CLNK: variants seen among roughly 807,000 people sequenced by gnomAD.
CLNK encodes the protein cytokine-dependent hematopoietic cell linker.
CLNK carries 74 observed loss-of-function variants against 68.6 expected under a neutral mutation model. The observed-to-expected ratio is 1.08, with a 90% CI of 0.89 to 1.31. The LOEUF is 1.31. Among genes scored for constraint, CLNK ranks in the 50% most tolerant of loss-of-function variants. The pLI, the probability that CLNK is intolerant of heterozygous loss-of-function variation, is 0.00. For synonymous variants in CLNK, 198 were observed against 172.2 expected (o/e 1.15, Z -1.17); for missense variants, 553 against 515.3 (o/e 1.07, Z -0.71).
the CLNK span, among the ~76,000 whole-genome samples, chr4:10,694,726 T>A: frequency 6.6e-6 from 1 of 152,178 alleles, no homozygotes; most frequent in African/African-American, 2.4e-5. Context: ...CATGACTGTA[T>A]TATGTTATGG....
At chr4:10,709,785 G>C in the CLNK span, among the ~76,000 whole-genome samples, 1 of 152,062 alleles carries the variant, frequency 6.6e-6, no homozygotes, top group African/African-American at 2.4e-5. Flanking sequence ...ACACCAACAG[G>C]CTAGACTGCT....
chr4:10,625,286 A>G (rs1307303011), intron 2 of CLNK, among the ~76,000 whole-genome samples: 1 of 152,222 alleles, frequency 6.6e-6, no homozygotes, highest in Non-Finnish European at 1.5e-5. Flanking sequence ...GCCACTCTGC[A>G]GAGGGAGGTG....
chr4:10,688,076 A>G (rs1725333167), upstream of CLNK, among the ~76,000 whole-genome samples: 1 of 152,186 alleles, frequency 6.6e-6, no homozygotes, highest in Admixed American at 6.5e-5. Flanking sequence ...AGTGGCTATT[A>G]GGATAAAATT....
At chr4:10,571,914 C>G (rs769769152) in intron 4 of CLNK, 136 bp from the exon 5 acceptor site, 20 of 664,832 alleles carry the variant, frequency 3.0e-5, no homozygotes, top group Non-Finnish European at 5.0e-5. Flanking sequence ...TTTTTCAAAA[C>G]TAAAGTGCAT....
At chr4:10,645,948 A>G (rs1723494442) in intron 2 of CLNK, among the ~76,000 whole-genome samples, 1 of 152,192 alleles carries the variant, frequency 6.6e-6, no homozygotes, top group African/African-American at 2.4e-5. Flanking sequence ...GTAGATGCCC[A>G]TTATTTATTA....
intron 5 of CLNK, among the ~76,000 whole-genome samples, chr4:10,569,969 C>A (rs1398304163): frequency 6.6e-6 from 1 of 152,036 alleles, no homozygotes; most frequent in African/African-American, 2.4e-5. Context: ...AGCCCAGTAC[C>A]CAGGACAAAG....
chr4:10,617,650 C>G (rs1462832365), intron 2 of CLNK, among the ~76,000 whole-genome samples: 1 of 152,176 alleles, frequency 6.6e-6, no homozygotes, highest in African/African-American at 2.4e-5. Context: ...ATGAGCCAAG[C>G]CAGACTTTTG....
chr4:10,601,879 A>G (rs1211251946), intron 2 of CLNK, among the ~76,000 whole-genome samples: 2 of 152,248 alleles, frequency 1.3e-5, no homozygotes, highest in African/African-American at 4.8e-5. Context: ...GGGAAACAAC[A>G]CAGGCTAATT....
At chr4:10,716,052 A>G in the CLNK span, among the ~76,000 whole-genome samples, 3 of 152,226 alleles carry the variant, frequency 2.0e-5, no homozygotes, top group Non-Finnish European at 4.4e-5. Flanking sequence ...TGAACATGCA[A>G]GATTATTTTT....
At chr4:10,497,143 C>A (rs1716842585) in intron 18 of CLNK, among the ~76,000 whole-genome samples, 2 of 152,110 alleles carry the variant, frequency 1.3e-5, no homozygotes, top group Admixed American at 1.3e-4. Flanking sequence ...TATTTCTGTG[C>A]CTCAGTTTCA....
chr4:10,686,868 T>A (rs1046823585), upstream of CLNK, among the ~76,000 whole-genome samples: 5 of 152,168 alleles, frequency 3.3e-5, no homozygotes, highest in African/African-American at 9.7e-5. Context: ...TTTGGTTTAA[T>A]GAGAAAGCTG....
chr4:10,571,740 C>T lies in CLNK; in HGVS notation c.150+1G>A, dbSNP rs757609019. ...ATAGATAAGGGAAGCAGCTGACTTA[C>T]CCAGTCTAGAAGAGGCTTGTTCATC... On this transcript the variant is annotated splice_donor_variant, in intron 5 of 18. Transcript: ENST00000226951. LOFTEE classifies it high-confidence loss of function. 1.8e-5 allele frequency: 29 copies of T among 1,611,706 alleles called. No homozygotes were observed. The highest frequency in any genetic ancestry group is 2.4e-5 in the Non-Finnish European group (28 of 1,177,992).
chr4:10,593,481 C>G (rs769129781), intron 3 of CLNK, among the ~76,000 whole-genome samples: 2 of 152,024 alleles, frequency 1.3e-5, no homozygotes, highest in Non-Finnish European at 2.9e-5. Context: ...ATGGCGAAAC[C>G]CCATCTCTAC....
At chr4:10,666,064 G>A (rs1055785862) in intron 2 of CLNK, among the ~76,000 whole-genome samples, 2 of 152,206 alleles carry the variant, frequency 1.3e-5, no homozygotes, top group South Asian at 2.1e-4. Context: ...AAGGTCATGT[G>A]AAATGGAGGC....
At chr4:10,710,258 A>T in the CLNK span, among the ~76,000 whole-genome samples, 1 of 152,108 alleles carries the variant, frequency 6.6e-6, no homozygotes, top group Non-Finnish European at 1.5e-5. Context: ...CAGAGGAGTG[A>T]GGCATTAAGA....
the CLNK span, among the ~76,000 whole-genome samples, chr4:10,722,426 C>T: frequency 5.9e-4 from 90 of 152,292 alleles, 1 homozygote; most frequent in Non-Finnish European, 9.8e-4. Flanking sequence ...ATTTTCTCTG[C>T]GTGTGTTCCT....
intron 2 of CLNK, among the ~76,000 whole-genome samples, chr4:10,654,636 T>A (rs571168841): frequency 1.3e-5 from 2 of 151,528 alleles, no homozygotes; most frequent in South Asian, 4.2e-4. Flanking sequence ...ATAGATGATA[T>A]AATTATCTAT....
At chr4:10,596,652 G>T (rs1399936940) in intron 3 of CLNK, among the ~76,000 whole-genome samples, 1 of 151,806 alleles carries the variant, frequency 6.6e-6, no homozygotes, top group East Asian at 1.9e-4. Context: ...ATATGCAGTG[G>T]TATAGAGATT....
chr4:10,621,091 G>A (rs1008000575), intron 2 of CLNK, among the ~76,000 whole-genome samples: 16 of 152,078 alleles, frequency 1.1e-4, no homozygotes, highest in African/African-American at 1.9e-4. Flanking sequence ...GCGAGACTCC[G>A]TCTCGAAAAC....
Sources: allele counts gnomAD v4.1 joint callset (sites outside exome capture counted in the v4.1 genomes callset), GRCh38; gene constraint gnomAD v4.1.1; transcripts MANE v1.5; gene names NCBI Gene and HGNC (gene_info 2026-07-23, HGNC 2026-07-21).